ARID3A: variants seen among roughly 807,000 people sequenced by gnomAD.
The protein encoded by ARID3A is AT-rich interactive domain-containing protein 3A.
ARID3A carries 11 observed loss-of-function variants against 52.7 expected under a neutral mutation model. That is an observed-to-expected ratio of 0.21 (90% CI 0.13 to 0.35). The LOEUF (loss-of-function observed/expected upper bound fraction) is 0.35, where lower values mean the gene tolerates loss of function less well. Ranked by LOEUF, ARID3A falls within the 10% of genes least tolerant of loss-of-function variation. The pLI is 1.00. For synonymous variants in ARID3A, 404 were observed against 359.4 expected (o/e 1.12, Z -1.40); for missense variants, 721 against 838.5 (o/e 0.86, Z 1.73).
intron 3 of ARID3A, among the ~76,000 whole-genome samples, chr19:933,278 G>C (rs978064244): frequency 6.6e-6 from 1 of 152,198 alleles, no homozygotes; most frequent in African/African-American, 2.4e-5. Flanking sequence ...CCGAGTGGGC[G>C]GTTAAGGCTG....
Position 941,981 on chromosome 19 carries a change from G to A in ARID3A, c.693+9239G>A, listed in dbSNP as rs750409221. Among the ~76,000 whole-genome samples, 3 of 152,180 alleles carry A rather than the reference G, an allele frequency of 2.0e-5. No individual in the cohort carries two copies. Among genetic ancestry groups the A allele is most frequent in the Admixed American group, 1.3e-4 (2 of 15,288 alleles). On this transcript the variant is annotated intron_variant, in intron 3 of 8. Transcript: ENST00000263620. This position sits in a 1 kb window ranked among gnomAD's most constrained non-coding sequence, Gnocchi z 6.9. ...GCTGGACCCTGAAGCATGAGGTCGC[G>A]GTGGGGCCTATTAACCATTAGACCC...
intron 3 of ARID3A, among the ~76,000 whole-genome samples, chr19:954,464 T>G (rs2037872961): frequency 6.6e-6 from 1 of 152,232 alleles, no homozygotes; most frequent in South Asian, 2.1e-4. Flanking sequence ...AGAAAGCAAG[T>G]TCATTTAACA....
chr19:932,623 C>T lies in ARID3A; in HGVS notation c.574C>T (p.Leu192=), dbSNP rs1054885110. The T allele has an allele frequency of 5.9e-6, 9 of 1,533,334 alleles. No homozygotes were observed. Among genetic ancestry groups the T allele is most frequent in the Admixed American group, 4.2e-5 (2 of 47,344 alleles). 95.0% of individuals were successfully genotyped at this position (1,533,334 alleles called of 1,614,324 possible). ...AFRGDGVPRV[L]GGQERPGPGP... ...CCGCGGCGATGGCGTTCCCAGGGTG[C>T]TGGGGGGCCAGGAGCGGCCGGGGCC... Residue 192 remains leucine, a synonymous_variant, in exon 3 of 9, where the codon CTG becomes TTG. Coordinates refer to ENST00000263620, the MANE Select transcript of ARID3A (RefSeq NM_005224.3).
intron 3 of ARID3A, among the ~76,000 whole-genome samples, chr19:953,426 G>A (rs1422348153): frequency 2.6e-5 from 4 of 151,838 alleles, no homozygotes; most frequent in South Asian, 4.2e-4. Flanking sequence ...AGAGGGGCCC[G>A]GTCCTCATCA....
intron 3 of ARID3A, among the ~76,000 whole-genome samples, chr19:943,711 G>C (rs887572134): frequency 2.0e-5 from 3 of 152,220 alleles, no homozygotes; most frequent in Non-Finnish European, 2.9e-5. Flanking sequence ...AGGAGGGAAG[G>C]ACCCTCCCCT....
intron 8 of ARID3A, among the ~76,000 whole-genome samples, chr19:970,980 A>G (rs962838980): frequency 1.3e-5 from 2 of 152,138 alleles, no homozygotes; most frequent in African/African-American, 2.4e-5. Flanking sequence ...AAACGTGTAC[A>G]TTCATATTGA....
intron 3 of ARID3A, among the ~76,000 whole-genome samples, chr19:958,454 AAAAAG>A (rs2037969060): frequency 6.6e-6 from 1 of 151,580 alleles, no homozygotes; most frequent in Non-Finnish European, 1.5e-5. Flanking sequence ...AAGAAGAAAG[AAAAAG>A]AAAAGAAGAG....
intron 4 of ARID3A, among the ~76,000 whole-genome samples, chr19:961,004 G>T (rs532670364): frequency 6.6e-6 from 1 of 152,122 alleles, no homozygotes; most frequent in Admixed American, 6.5e-5. Flanking sequence ...AAGGGCTTCC[G>T]TCTCGCCTCC....
rs959978144 is a variant in ARID3A, at chr19:929,245, C to A, written c.-267-17C>A. 1 of 217,446 alleles carries A rather than the reference C, an allele frequency of 4.6e-6. No individual in the cohort carries two copies. Among genetic ancestry groups the A allele is most frequent in the Non-Finnish European group, 8.7e-6 (1 of 114,854 alleles). The allele number at this position is 217,446 out of a possible 1,614,324, so 13.5% of individuals were successfully genotyped here. On this transcript the variant is annotated splice_polypyrimidine_tract_variant and intron_variant, in intron 1 of 8. Transcript: ENST00000263620. This position sits in a 1 kb window ranked among gnomAD's most constrained non-coding sequence, Gnocchi z 6.2. ...GGAGCTCAGGCCTGCTCTGACTGTGCCTTTTTTCCCCCTCAGGTTTCTGCA... is the reference window on the plus strand; with the variant it reads ...GGAGCTCAGGCCTGCTCTGACTGTGACTTTTTTCCCCCTCAGGTTTCTGCA...
At position 974,193 on chromosome 19, in the gene ARID3A, G is replaced by A. The variant is rs554411098; in HGVS notation, c.*2128G>A. The A allele has an allele frequency of 4.9e-5, 11 of 225,088 alleles. No individual in the cohort carries two copies. The highest frequency in any genetic ancestry group is 8.9e-5 in the African/African-American group (4 of 44,874). 13.9% of individuals were successfully genotyped at this position (225,088 alleles called of 1,614,324 possible). A position where few individuals can be genotyped will look rare whatever the true frequency, so the allele number is the denominator to read the frequency against. The stretch of plus-strand genomic sequence containing the variant: ...CTGAGTCTAGGTTCACTTTCCCGTC[G>A]GGCTGTGGGAGGGGACTGTCACTTT... On this transcript the variant is annotated 3_prime_UTR_variant, in exon 9 of 9. Transcript: ENST00000263620.
rs913094443 is a variant in ARID3A, at chr19:942,078, G to A, written c.693+9336G>A. Among the ~76,000 whole-genome samples the A allele has an allele frequency of 2.6e-5, 4 of 152,258 alleles. No homozygotes were observed. The highest frequency in any genetic ancestry group is 3.9e-4 in the East Asian group (2 of 5,170). On this transcript the variant is annotated intron_variant, in intron 3 of 8. Transcript: ENST00000263620. This position sits in a 1 kb window ranked among gnomAD's most constrained non-coding sequence, Gnocchi z 8.1. Reference sequence around the variant, plus strand: ...CGTCGGCCGCGGGGCACAGATCAGCGCCTCCCCTGCCCGCCATGGGCTCTG... The same window carrying A: ...CGTCGGCCGCGGGGCACAGATCAGCACCTCCCCTGCCCGCCATGGGCTCTG...
chr19:945,712 G>A (rs1189158163), intron 3 of ARID3A, among the ~76,000 whole-genome samples: 2 of 152,068 alleles, frequency 1.3e-5, no homozygotes, highest in Admixed American at 6.5e-5. Flanking sequence ...CTTTGGGCCC[G>A]GACTCCAGGC....
At chr19:967,601 C>T (rs1005870427) in intron 7 of ARID3A, among the ~76,000 whole-genome samples, 2 of 152,076 alleles carry the variant, frequency 1.3e-5, no homozygotes, top group African/African-American at 4.8e-5. Flanking sequence ...TGGACAAATA[C>T]ACTTATTCAA....
chr19:967,763 G>C (rs1488815408), intron 7 of ARID3A, among the ~76,000 whole-genome samples: 3 of 152,134 alleles, frequency 2.0e-5, no homozygotes, highest in Non-Finnish European at 4.4e-5. Flanking sequence ...TGGCAGTTTT[G>C]GTCGGGCGCG....
Position 944,309 on chromosome 19 carries a change from A to C in ARID3A, c.693+11567A>C, listed in dbSNP as rs1244044222. Reference sequence around the variant, plus strand: ...GTCTGCTCCCCGTGTGTCTGGCTGCAGGGGCGCGTCCAGGGGGTGTGTGTG... The same window carrying C: ...GTCTGCTCCCCGTGTGTCTGGCTGCCGGGGCGCGTCCAGGGGGTGTGTGTG... On this transcript the variant is annotated intron_variant, in intron 3 of 8. Transcript: ENST00000263620. This position sits in a 1 kb window ranked among gnomAD's most constrained non-coding sequence, Gnocchi z 5.9. 6.6e-6 allele frequency among the ~76,000 whole-genome samples: 1 copy of C among 150,528 alleles called. No individual in the cohort carries two copies. Among genetic ancestry groups the C allele is most frequent in the Non-Finnish European group, 1.5e-5 (1 of 67,772 alleles).
rs2037575448 is a variant in ARID3A, at chr19:942,402, C to T, written c.693+9660C>T. 6.6e-6 allele frequency among the ~76,000 whole-genome samples: 1 copy of T among 152,166 alleles called. No individual in the cohort carries two copies. The highest frequency in any genetic ancestry group is 2.4e-5 in the African/African-American group (1 of 41,430). Reference sequence around the variant, plus strand: ...GACTCAAGGTCCTCTCCACTGGCCGCCGGGAGCCGGGCCGGGAGCCGCTGC... The same window carrying T: ...GACTCAAGGTCCTCTCCACTGGCCGTCGGGAGCCGGGCCGGGAGCCGCTGC... On this transcript the variant is annotated intron_variant, in intron 3 of 8. Transcript: ENST00000263620. This position sits in a 1 kb window ranked among gnomAD's most constrained non-coding sequence, Gnocchi z 8.1.
chr19:930,021 T>A (rs2037288553), intron 2 of ARID3A, 125 bp downstream of exon 2: 1 of 1,375,902 alleles, frequency 7.3e-7, no homozygotes, highest in African/African-American at 1.5e-5. Context: ...TCCAGCAGTT[T>A]GAGAGGCCGA....
chr19:949,722 G>C (rs868420019), intron 3 of ARID3A, among the ~76,000 whole-genome samples: 2 of 150,078 alleles, frequency 1.3e-5, no homozygotes, highest in South Asian at 2.1e-4. Flanking sequence ...TGTCGCCCAG[G>C]CTGGAGTGCA....
chr19:931,451 CAAAAAAA>C, intron 2 of ARID3A, among the ~76,000 whole-genome samples: 1 of 79,560 alleles, frequency 1.3e-5, no homozygotes, highest in East Asian at 3.3e-4. Flanking sequence ...GACTGTGTCT[CAAAAAAA>C]AAAAAAAAAC....
Sources: gnomAD v4.1 joint callset for allele counts (sites outside exome capture counted in the v4.1 genomes callset) on GRCh38, gnomAD v4.1.1 for gene constraint, Gnocchi (gnomAD v3.1) non-coding constraint, MANE v1.5 for transcripts, NCBI Gene and HGNC (gene_info 2026-07-23, HGNC 2026-07-21) for gene names.